Variants in RPF2 observed in about 807,000 individuals in gnomAD.
The protein encoded by RPF2 is ribosome production factor 2 homolog, also known as brix domain containing 1.
A neutral mutation model predicts 38.9 loss-of-function variants in RPF2; 21 were observed. The ratio of observed to expected loss-of-function variants is 0.54; its 90% CI spans 0.38 to 0.78. RPF2 has a LOEUF of 0.78. Among genes scored for constraint, RPF2 ranks in the 30% least tolerant of loss-of-function variants. The pLI is 0.00. For synonymous variants in RPF2, 121 were observed against 126.2 expected, an observed-to-expected ratio of 0.96 and a Z score of 0.28; for missense variants, 314 against 358.1, an observed-to-expected ratio of 0.88 and a Z score of 0.99.
intron 8 of RPF2, among the ~76,000 whole-genome samples, chr6:111,020,730 G>A (rs1294898243): frequency 1.3e-5 from 2 of 152,032 alleles, no homozygotes; most frequent in African/African-American, 4.8e-5. Context: ...GCAACATGGT[G>A]TGCACCTGTA....
At position 110,986,535 on chromosome 6, in the gene RPF2, C is replaced by T. The variant is rs768618506; in HGVS notation, c.156+1397C>T. ...GGTTTGGAGGGAAAGGTGAAAGGTTCGGTTTGGGACATGTAATTTAAGTAA... is the reference window on the plus strand; with the variant it reads ...GGTTTGGAGGGAAAGGTGAAAGGTTTGGTTTGGGACATGTAATTTAAGTAA... On this transcript the variant is annotated intron_variant, in intron 2 of 9. Transcript: ENST00000441448. Among the ~76,000 whole-genome samples, 73 of 152,104 alleles carry T rather than the reference C, an allele frequency of 4.8e-4. 2 individuals carry two copies. The highest frequency in any genetic ancestry group is 3.3e-4 in the Admixed American group (5 of 15,252).
intron 8 of RPF2, among the ~76,000 whole-genome samples, chr6:111,019,908 C>G (rs1583275891): frequency 6.9e-6 from 1 of 145,430 alleles, no homozygotes; most frequent in Non-Finnish European, 1.5e-5. Flanking sequence ...GAACACCTTT[C>G]TTTTCTTTCT....
chr6:111,005,997 G>C (rs890291144), intron 6 of RPF2, among the ~76,000 whole-genome samples: 6 of 152,010 alleles, frequency 3.9e-5, no homozygotes, highest in African/African-American at 1.4e-4. Flanking sequence ...GTAGAGACAG[G>C]GTTTTACCAT....
chr6:111,023,435 C>CA (rs1772267535), intron 8 of RPF2, among the ~76,000 whole-genome samples: 1 of 152,168 alleles, frequency 6.6e-6, no homozygotes. Context: ...ATCGTATAAA[C>CA]ATACTGTTTC....
chr6:110,989,596 C>T (rs1241113703), intron 3 of RPF2, among the ~76,000 whole-genome samples: 7 of 150,848 alleles, frequency 4.6e-5, no homozygotes, highest in South Asian at 2.1e-4. Context: ...ATTATAGGCA[C>T]GTGCCACCAC....
Position 111,026,535 on chromosome 6 carries a change from AAGG to A in RPF2, c.*956_*958del, listed in dbSNP as rs1165449856. On this transcript the variant is annotated 3_prime_UTR_variant, in exon 10 of 10. Coordinates refer to ENST00000441448, the MANE Select transcript of RPF2 (RefSeq NM_032194.3). ...AGTTTTGATAGGGGCAGAAATGAAA[AAGG>A]AGAAAACAGGTGAGTTTTAAGGTGC... The A allele has an allele frequency of 6.6e-6, 1 of 152,290 alleles. No homozygotes were observed. The highest frequency in any genetic ancestry group is 2.4e-5 in the African/African-American group (1 of 41,426). 9.4% of individuals were successfully genotyped at this position (152,290 alleles called of 1,614,324 possible).
intron 2 of RPF2, among the ~76,000 whole-genome samples, chr6:110,988,272 C>A (rs1180871227): frequency 1.3e-5 from 2 of 152,040 alleles, no homozygotes; most frequent in Non-Finnish European, 2.9e-5. Flanking sequence ...AAATGAAGAA[C>A]ATTGAATAAT....
chr6:110,992,265 A>G (rs1376415589), intron 4 of RPF2, among the ~76,000 whole-genome samples: 2 of 152,140 alleles, frequency 1.3e-5, no homozygotes, highest in Non-Finnish European at 2.9e-5. Context: ...AGCCGAGATC[A>G]CGCCATTGCA....
intron 1 of RPF2, among the ~76,000 whole-genome samples, chr6:110,982,850 C>G (rs1771456534): frequency 1.3e-5 from 2 of 152,194 alleles, no homozygotes; most frequent in South Asian, 4.1e-4. Context: ...GTTTGGACTA[C>G]AAAGAGTAGT....
In RPF2 at chr6:111,020,318, C is replaced by T. The variant is rs140353592; in HGVS notation, c.597-3865C>T. Among the ~76,000 whole-genome samples, 492 of 152,204 alleles carry T rather than the reference C, an allele frequency of 3.2e-3. 3 individuals carry two copies. The highest frequency in any genetic ancestry group is 0.017 in the South Asian group (81 of 4,818). On this transcript the variant is annotated intron_variant, in intron 8 of 9. Transcript: ENST00000441448. The stretch of plus-strand genomic sequence containing the variant: ...GCAACCTCTGCCTCCCGCATTCAAG[C>T]GATTCTCCTGCCTCGGGTGGGTATG...
chr6:111,005,516 G>A (rs771733788), intron 6 of RPF2, among the ~76,000 whole-genome samples: 11 of 152,118 alleles, frequency 7.2e-5, no homozygotes, highest in Admixed American at 2.6e-4. Context: ...ACTTTTTATA[G>A]TAAGAGTTTC....
At chr6:111,001,664 T>C (rs1415763814) in intron 6 of RPF2, among the ~76,000 whole-genome samples, 2 of 152,160 alleles carry the variant, frequency 1.3e-5, no homozygotes, top group East Asian at 3.9e-4. Context: ...GTCATTATTA[T>C]AGTGTCTCTT....
At chr6:111,008,749 T>C (rs1267243278) in intron 7 of RPF2, among the ~76,000 whole-genome samples, 4 of 152,136 alleles carry the variant, frequency 2.6e-5, no homozygotes, top group African/African-American at 9.7e-5. Flanking sequence ...CTTCTTTTTT[T>C]CCATTAGAAA....
At chr6:110,991,986 T>G (rs115558016) in intron 4 of RPF2, among the ~76,000 whole-genome samples, 200 bp downstream of exon 4, 1 of 152,164 alleles carries the variant, frequency 6.6e-6, no homozygotes, top group Non-Finnish European at 1.5e-5. Context: ...AATGTGTTTT[T>G]CATTGCCTGC....
At chr6:111,000,763 T>C (rs1333304026) in intron 6 of RPF2, among the ~76,000 whole-genome samples, 2 of 152,132 alleles carry the variant, frequency 1.3e-5, no homozygotes, top group Non-Finnish European at 2.9e-5. Context: ...TTCTTTTTTG[T>C]ATAGATTGGG....
rs1772333803 is a variant in RPF2, at chr6:111,026,686, C to G, written c.*1104C>G. On this transcript the variant is annotated 3_prime_UTR_variant, in exon 10 of 10. Transcript: ENST00000441448. ...ACTTGTTTTGAAAGTTTCTTGAAGA[C>G]AGGCCTTGTGCCTAGGAAAACAGAA... is the stretch of plus-strand genomic sequence containing the variant. 1 of 152,238 alleles carries G rather than the reference C, an allele frequency of 6.6e-6. No individual in the cohort carries two copies. Among genetic ancestry groups the G allele is most frequent in the African/African-American group, 2.4e-5 (1 of 41,458 alleles). The allele number at this position is 152,238 out of a possible 1,614,324, so 9.4% of individuals were successfully genotyped here. A position where few individuals can be genotyped will look rare whatever the true frequency, so the allele number is the denominator to read the frequency against.
intron 8 of RPF2, among the ~76,000 whole-genome samples, chr6:111,016,545 C>T (rs1051828866): frequency 4.7e-5 from 7 of 148,780 alleles, no homozygotes; most frequent in Non-Finnish European, 1.0e-4. Context: ...TGCAGTGAGC[C>T]ATGATTGTGC....
At chr6:111,013,935 G>A (rs1314227758) in intron 7 of RPF2, among the ~76,000 whole-genome samples, 3 of 152,014 alleles carry the variant, frequency 2.0e-5, no homozygotes, top group African/African-American at 7.2e-5. Context: ...CTAGGAGTTC[G>A]AAACCAGCCT....
At chr6:110,987,810 C>T (rs1388443895) in intron 2 of RPF2, among the ~76,000 whole-genome samples, 3 of 152,018 alleles carry the variant, frequency 2.0e-5, no homozygotes, top group African/African-American at 7.2e-5. Flanking sequence ...AAGGTAGTAC[C>T]TGATGACATC....
Sources: allele counts gnomAD v4.1 joint callset (sites outside exome capture counted in the v4.1 genomes callset), GRCh38; gene constraint gnomAD v4.1.1; transcripts MANE v1.5; gene names NCBI Gene and HGNC (gene_info 2026-07-23, HGNC 2026-07-21).